Variants in OPHN1 observed in about 807,000 individuals in gnomAD.
The protein encoded by OPHN1 is oligophrenin 1.
A neutral mutation model predicts 60.7 loss-of-function variants in OPHN1; 11 were observed. The observed-to-expected ratio is 0.18, with a 90% CI of 0.11 to 0.30. The LOEUF is 0.30. OPHN1 is among the 10% of genes least tolerant of loss of function. The probability of loss-of-function intolerance (pLI) is 1.00; values close to 1 mark genes in which losing one functional copy is unlikely to be tolerated. For synonymous variants in OPHN1, 226 were observed against 222.6 expected, an observed-to-expected ratio of 1.02 and a Z score of -0.14; for missense variants, 449 against 611.0, an observed-to-expected ratio of 0.73 and a Z score of 2.80.
intron 8 of OPHN1, 77 bp from the exon 9 acceptor site, chrX:68,210,359 G>A (rs2077579350): frequency 9.5e-7 from 1 of 1,053,791 alleles, no homozygotes. Flanking sequence ...CAGAGACTCA[G>A]TACAAAGTTT....
chrX:68,278,564 G>C (rs1692716657), intron 4 of OPHN1, among the ~76,000 whole-genome samples: 1 of 113,235 alleles, frequency 8.8e-6, no homozygotes, highest in Admixed American at 9.3e-5. Flanking sequence ...GACTGCTCAG[G>C]AATCTTTGAT....
chrX:68,196,613 C>T (rs867963069), intron 12 of OPHN1, among the ~76,000 whole-genome samples: 5 of 111,683 alleles, frequency 4.5e-5, no homozygotes, highest in African/African-American at 1.3e-4. Context: ...TAATCAGTAA[C>T]CCTTTCAAGG....
chrX:68,186,982 T>C (rs184610024), intron 15 of OPHN1, among the ~76,000 whole-genome samples: 1 of 112,102 alleles, frequency 8.9e-6, no homozygotes, highest in Non-Finnish European at 1.9e-5. Flanking sequence ...ACAGATGTCA[T>C]ATGCCAATGA....
intron 20 of OPHN1, among the ~76,000 whole-genome samples, chrX:68,065,539 C>T (rs1382076312): frequency 9.0e-6 from 1 of 111,554 alleles, no homozygotes; most frequent in Non-Finnish European, 1.9e-5. Context: ...TGGAATTCTT[C>T]GCAATAAAAT....
rs778682986 is a variant in OPHN1 at position 68,073,319 on chromosome X, A to C, written c.1687-20T>G. The C allele has an allele frequency of 1.1e-4, 126 of 1,180,085 alleles. No individual in the cohort carries two copies. Among genetic ancestry groups the C allele is most frequent in the Non-Finnish European group, 1.3e-4 (117 of 877,491 alleles). The stretch of plus-strand genomic sequence containing the variant: ...ATAGATCTGTGGAGAAAGAAGGAAG[A>C]TATCTAGAGAATAATTAGATCAAGT... On this transcript the variant is annotated intron_variant, in intron 19 of 24. Coordinates refer to ENST00000355520, the MANE Select transcript of OPHN1 (RefSeq NM_002547.3).
intron 15 of OPHN1, among the ~76,000 whole-genome samples, chrX:68,191,947 C>T (rs999949333): frequency 9.0e-6 from 1 of 111,144 alleles, no homozygotes; most frequent in African/African-American, 3.3e-5. Flanking sequence ...AAATTCAGTC[C>T]TCTTTAAAAG....
intron 3 of OPHN1, among the ~76,000 whole-genome samples, chrX:68,290,598 C>CA (rs375557061): frequency 0.07 from 6,505 of 92,924 alleles, 629 homozygotes; most frequent in African/African-American, 0.24. Context: ...GACTCCATCT[C>CA]AAAAAAAAAA....
In OPHN1 at chrX:68,221,911, A is replaced by G. The variant is rs894345217; in HGVS notation, c.487-7939T>C. On this transcript the variant is annotated intron_variant, in intron 6 of 24. Coordinates refer to ENST00000355520, the MANE Select transcript of OPHN1 (RefSeq NM_002547.3). ...AAACACCAAAAGCAATGGCAACAAA[A>G]GACAAAATTGACAAATGGGATCTAA... Among the ~76,000 whole-genome samples the G allele has an allele frequency of 1.8e-3, 179 of 97,308 alleles. 1 individual carries two copies. Among genetic ancestry groups the G allele is most frequent in the Non-Finnish European group, 2.4e-3 (118 of 48,252 alleles). 84.5% of individuals were successfully genotyped at this position (97,308 alleles called of 115,157 possible).
chrX:68,120,144 C>T (rs2077144698), intron 15 of OPHN1, among the ~76,000 whole-genome samples: 1 of 111,277 alleles, frequency 9.0e-6, no homozygotes, highest in Admixed American at 9.6e-5. Flanking sequence ...AAGACAGAGA[C>T]ATAATCTTAT....
At chrX:68,425,764 A>ATTT (rs766061215) in intron 2 of OPHN1, among the ~76,000 whole-genome samples, 3 of 65,377 alleles carry the variant, frequency 4.6e-5, no homozygotes, top group African/African-American at 1.4e-4. Context: ...CATCTTTTGG[A>ATTT]TTTTTTTTTT....
In OPHN1 at chrX:68,064,289, G is replaced by C. The variant is rs2076905249; in HGVS notation, c.1835-112C>G. 33 of 724,147 alleles carry C rather than the reference G, an allele frequency of 4.6e-5. No homozygotes were observed. In the South Asian group the frequency reaches 8.2e-4, roughly 18 times the overall value. 59.7% of individuals were successfully genotyped at this position (724,147 alleles called of 1,213,427 possible). ...AAAATTTGTATACATTTTCAAAGCA[G>C]TTATGTCACTGTGGCACAAACCAAC... On this transcript the variant is annotated intron_variant, in intron 20 of 24. Transcript: ENST00000355520.
At chrX:68,318,877 A>T (rs1308364067) in intron 2 of OPHN1, among the ~76,000 whole-genome samples, 1 of 111,654 alleles carries the variant, frequency 9.0e-6, no homozygotes, top group Non-Finnish European at 1.9e-5. Flanking sequence ...ATGTCTCTCA[A>T]TTAAGATCTG....
chrX:68,170,292 G>C (rs1435244511), intron 15 of OPHN1, among the ~76,000 whole-genome samples: 1 of 104,265 alleles, frequency 9.6e-6, no homozygotes, highest in East Asian at 3.0e-4. Flanking sequence ...ACAGGTGCTG[G>C]AGAGGATGTG....
At chrX:68,194,694 C>T (rs1221247609) in intron 12 of OPHN1, among the ~76,000 whole-genome samples, 196 bp from the exon 13 acceptor site, 1 of 111,367 alleles carries the variant, frequency 9.0e-6, no homozygotes, top group Admixed American at 9.6e-5. Flanking sequence ...ACAGGCCAGG[C>T]GTGGTGGCTC....
At chrX:68,176,087 C>T (rs1331132649) in intron 15 of OPHN1, among the ~76,000 whole-genome samples, 1 of 111,753 alleles carries the variant, frequency 8.9e-6, no homozygotes, top group African/African-American at 3.3e-5. Context: ...GGATCAAAGA[C>T]CCAAATGAAA....
intron 2 of OPHN1, among the ~76,000 whole-genome samples, chrX:68,401,625 C>A (rs931390481): frequency 1.8e-5 from 2 of 111,841 alleles, no homozygotes. Flanking sequence ...ATACAAACAT[C>A]AGGAGATGTA....
At chrX:68,405,267 G>C (rs1018208654) in intron 2 of OPHN1, among the ~76,000 whole-genome samples, 3 of 111,868 alleles carry the variant, frequency 2.7e-5, no homozygotes, top group Admixed American at 9.6e-5. Context: ...GAAGTGGTGT[G>C]ATTATAGCTC....
At chrX:68,278,456 T>C (rs2147599214) in intron 4 of OPHN1, among the ~76,000 whole-genome samples, 1 of 112,719 alleles carries the variant, frequency 8.9e-6, no homozygotes, top group South Asian at 3.7e-4. Flanking sequence ...CCTAAACTCA[T>C]TAGTGAGTTT....
At chrX:68,161,083 T>C (rs1410608300) in intron 15 of OPHN1, among the ~76,000 whole-genome samples, 1 of 110,573 alleles carries the variant, frequency 9.0e-6, no homozygotes, top group African/African-American at 3.3e-5. Context: ...CTACCAACCT[T>C]ACAGAAGATC....
Sources: allele counts gnomAD v4.1 joint callset (sites outside exome capture counted in the v4.1 genomes callset), GRCh38; gene constraint gnomAD v4.1.1; transcripts MANE v1.5; gene names NCBI Gene and HGNC (gene_info 2026-07-23, HGNC 2026-07-21).